FREM1: variants seen among roughly 807,000 people sequenced by gnomAD.
FREM1 encodes the protein FRAS1 related extracellular matrix 1.
FREM1 carries 220 observed loss-of-function variants against 210.1 expected under a neutral mutation model. That is an observed-to-expected ratio of 1.05 (90% CI 0.94 to 1.17). FREM1 has a LOEUF of 1.17. FREM1 is among the 50% of genes most tolerant of loss of function. FREM1 has a pLI of 0.00. For missense variants in FREM1, 3,454 were observed against 2,675.5 expected, an observed-to-expected ratio of 1.29 and a Z score of -6.42; for synonymous variants, 1,189 against 980.2, an observed-to-expected ratio of 1.21 and a Z score of -3.98.
rs187640747 is a variant in FREM1 at position 14,821,481 on chromosome 9, G to T, written c.2337+1679C>A. ...TTTAGAGAAAACTTTGGCTTCTTTA[G>T]TGCTAGGCTATTTGATGGCCTGTAT... On this transcript the variant is annotated intron_variant, in intron 13 of 36. Coordinates refer to ENST00000380880, the MANE Select transcript of FREM1 (RefSeq NM_001379081.2). 3.2e-4 allele frequency among the ~76,000 whole-genome samples: 48 copies of T among 152,262 alleles called. No homozygotes were observed. The East Asian group carries it at 9.1e-3, about 29-fold the overall frequency.
At chr9:14,788,631 A>T (rs1047865672) in intron 23 of FREM1, among the ~76,000 whole-genome samples, 19 of 152,226 alleles carry the variant, frequency 1.2e-4, no homozygotes, top group Non-Finnish European at 2.5e-4. Flanking sequence ...AAAGCAAAAA[A>T]ATCCTAACAG....
chr9:14,877,394 T>A (rs1833956862), intron 1 of FREM1, among the ~76,000 whole-genome samples: 1 of 127,054 alleles, frequency 7.9e-6, no homozygotes, highest in Non-Finnish European at 1.8e-5. Flanking sequence ...TTTTCAGTTG[T>A]TCCTTTCTTC....
At chr9:14,794,361 G>A (rs1851960674) in intron 21 of FREM1, among the ~76,000 whole-genome samples, 1 of 152,176 alleles carries the variant, frequency 6.6e-6, no homozygotes, top group Non-Finnish European at 1.5e-5. Context: ...GGAAGCTGGA[G>A]CATTTATCTT....
At chr9:14,821,974 T>C (rs1012760824) in intron 13 of FREM1, among the ~76,000 whole-genome samples, 2 of 152,170 alleles carry the variant, frequency 1.3e-5, no homozygotes, top group African/African-American at 2.4e-5. Flanking sequence ...ATAATCCCCA[T>C]GTGTCAAGGA....
At chr9:14,758,234 C>T (rs994456983) in intron 28 of FREM1, among the ~76,000 whole-genome samples, 9 of 152,202 alleles carry the variant, frequency 5.9e-5, no homozygotes, top group African/African-American at 2.2e-4. Flanking sequence ...TGAAGGCCTG[C>T]ACACTCAGCT....
At position 14,823,208 on chromosome 9, in the gene FREM1, C is replaced by G; in HGVS notation, c.2289G>C (p.Gly763=). The change falls in exon 13 of 37, where the codon GGG becomes GGC. Residue 763 remains glycine (G), a synonymous_variant. Coordinates refer to ENST00000380880, the MANE Select transcript of FREM1 (RefSeq NM_001379081.2). ...GGAGGATTGTAATGTTAAAGCAGAT[C>G]CCATGCAAAGTACCGCCATGTTGGT... ...VSNQHGGTLH[G]ICFNITILPV... is the part of the protein sequence containing the mutation. The G allele has an allele frequency of 1.2e-6, 2 of 1,613,872 alleles. No individual in the cohort carries two copies. Among genetic ancestry groups the G allele is most frequent in the Non-Finnish European group, 1.7e-6 (2 of 1,179,808 alleles).
At chr9:14,897,219 C>CTCA (rs1373408346) in intron 1 of FREM1, among the ~76,000 whole-genome samples, 7 of 152,156 alleles carry the variant, frequency 4.6e-5, no homozygotes, top group Admixed American at 2.0e-4. Context: ...CTCATTTAAC[C>CTCA]TTCACTACAA....
chr9:14,884,427 T>A (rs576961145), intron 1 of FREM1, among the ~76,000 whole-genome samples: 29 of 152,180 alleles, frequency 1.9e-4, no homozygotes, highest in Non-Finnish European at 3.4e-4. Flanking sequence ...TATATCTGTA[T>A]AAGCCAATAA....
intron 1 of FREM1, among the ~76,000 whole-genome samples, chr9:14,900,347 A>G (rs948739561): frequency 2.0e-5 from 3 of 152,380 alleles, no homozygotes; most frequent in Admixed American, 1.3e-4. Flanking sequence ...TATTAACTGC[A>G]TTAATAACTG....
chr9:14,863,280 G>T (rs570758083), intron 3 of FREM1, among the ~76,000 whole-genome samples: 1 of 149,658 alleles, frequency 6.7e-6, no homozygotes, highest in Admixed American at 6.7e-5. Flanking sequence ...GACAGAGGTT[G>T]CAGTGAGCCG....
intron 10 of FREM1, among the ~76,000 whole-genome samples, chr9:14,839,995 G>C (rs114304402): frequency 1.3e-5 from 2 of 152,208 alleles, no homozygotes; most frequent in Non-Finnish European, 2.9e-5. Flanking sequence ...TAGTCAAAGA[G>C]CAGATGAACT....
chr9:14,762,787 A>G (rs1472472515), intron 27 of FREM1, among the ~76,000 whole-genome samples: 1 of 132,594 alleles, frequency 7.5e-6, no homozygotes, highest in Non-Finnish European at 1.6e-5. Flanking sequence ...TTGCAGTAGT[A>G]TATTTGAGAA....
intron 10 of FREM1, among the ~76,000 whole-genome samples, chr9:14,837,117 C>T (rs751119431): frequency 1.6e-4 from 24 of 152,126 alleles, no homozygotes; most frequent in Non-Finnish European, 2.5e-4. Flanking sequence ...GCAACATGGC[C>T]GCCCCCACAT....
intron 1 of FREM1, among the ~76,000 whole-genome samples, chr9:14,896,529 A>G: frequency 7.0e-6 from 1 of 142,684 alleles, no homozygotes; most frequent in Non-Finnish European, 1.5e-5. Context: ...TGGGCCACAG[A>G]GCGAGACTCC....
At chr9:14,789,637 G>C (rs965309195) in intron 22 of FREM1, among the ~76,000 whole-genome samples, 10 of 152,122 alleles carry the variant, frequency 6.6e-5, no homozygotes, top group African/African-American at 2.4e-4. Context: ...ACTAAAGAAA[G>C]AAAATGATGG....
chr9:14,845,904 C>T (rs527506827), intron 8 of FREM1, 56 bp downstream of exon 8: 4 of 1,588,176 alleles, frequency 2.5e-6, no homozygotes, highest in Non-Finnish European at 1.7e-6. Context: ...AATATATCTA[C>T]TTTTGAAGAA....
At chr9:14,867,723 C>T (rs1831809759) in intron 2 of FREM1, among the ~76,000 whole-genome samples, 1 of 152,158 alleles carries the variant, frequency 6.6e-6, no homozygotes, top group African/African-American at 2.4e-5. Flanking sequence ...AAATAAAGTT[C>T]ATAGTTCAGC....
intron 27 of FREM1, among the ~76,000 whole-genome samples, chr9:14,767,051 G>C (rs546071989): frequency 7.2e-5 from 11 of 152,190 alleles, no homozygotes; most frequent in Admixed American, 6.5e-4. Flanking sequence ...CATTTCTTTT[G>C]TTTTTCTAAA....
chr9:14,862,687 T>C (rs1830797078), intron 3 of FREM1, among the ~76,000 whole-genome samples: 1 of 152,216 alleles, frequency 6.6e-6, no homozygotes, highest in Admixed American at 6.5e-5. Flanking sequence ...TCTCCGTCTC[T>C]GTGAATTTGC....
Sources: allele counts gnomAD v4.1 joint callset (sites outside exome capture counted in the v4.1 genomes callset), GRCh38; gene constraint gnomAD v4.1.1; transcripts MANE v1.5; gene names NCBI Gene and HGNC (gene_info 2026-07-23, HGNC 2026-07-21).